The following CTNNA2 variants were observed in gnomAD, a reference collection of about 807,000 sequenced individuals.
The protein encoded by CTNNA2 is catenin alpha-2.
In CTNNA2, 42 loss-of-function variants were observed where a neutral mutation model predicts 101.0. That is an observed-to-expected ratio of 0.42 (90% confidence interval 0.32 to 0.54). CTNNA2 has a LOEUF of 0.54. CTNNA2 is among the 20% of genes least tolerant of loss of function. CTNNA2 has a pLI of 0.14. For synonymous variants in CTNNA2, 450 were observed against 456.4 expected, an observed-to-expected ratio of 0.99 and a Z score of 0.18; for missense variants, 871 against 1,223.1, an observed-to-expected ratio of 0.71 and a Z score of 4.29.
At chr2:80,292,656 T>C (rs1022807104) in intron 7 of CTNNA2, among the ~76,000 whole-genome samples, 2 of 152,220 alleles carry the variant, frequency 1.3e-5, no homozygotes, top group Non-Finnish European at 2.9e-5. Context: ...GTGAGTCTGA[T>C]AGGCCTATGC....
intron 2 of CTNNA2, among the ~76,000 whole-genome samples, chr2:79,657,421 A>G (rs917990990): frequency 6.6e-6 from 1 of 151,924 alleles, no homozygotes; most frequent in Non-Finnish European, 1.5e-5. Context: ...TATTCCATTT[A>G]AATACTAGAG....
chr2:79,673,927 T>C (rs1322340274), intron 2 of CTNNA2, among the ~76,000 whole-genome samples: 2 of 152,218 alleles, frequency 1.3e-5, no homozygotes, highest in Admixed American at 6.5e-5. Flanking sequence ...AGACACTAAT[T>C]ATTGAACTTC....
At chr2:80,512,532 T>C (rs1688787327) in intron 9 of CTNNA2, among the ~76,000 whole-genome samples, 2 of 152,162 alleles carry the variant, frequency 1.3e-5, no homozygotes, top group Non-Finnish European at 2.9e-5. Context: ...GTATAGAAGA[T>C]GAAAGAAGAG....
chr2:79,954,440 C>T (rs1689087529), intron 7 of CTNNA2, among the ~76,000 whole-genome samples: 1 of 152,160 alleles, frequency 6.6e-6, no homozygotes, highest in Admixed American at 6.5e-5. Context: ...TGTTTCACTC[C>T]TTGTCTCTTT....
intron 4 of CTNNA2, among the ~76,000 whole-genome samples, chr2:79,431,111 T>G (rs926355497): frequency 1.3e-5 from 2 of 152,222 alleles, no homozygotes; most frequent in African/African-American, 4.8e-5. Context: ...GAGAGTGGAC[T>G]GAGCCTCTTT....
chr2:79,606,593 A>ATGT (rs1677910519), intron 1 of CTNNA2, among the ~76,000 whole-genome samples: 9 of 152,174 alleles, frequency 5.9e-5, no homozygotes, highest in Non-Finnish European at 1.5e-5. Context: ...AACAAAAATA[A>ATGT]TAACATCATG....
chr2:79,684,117 A>C (rs929284041), intron 2 of CTNNA2, among the ~76,000 whole-genome samples: 1 of 152,222 alleles, frequency 6.6e-6, no homozygotes, highest in Admixed American at 6.5e-5. Context: ...TGAACAATTA[A>C]GAGCACACTT....
chr2:79,587,966 T>C (rs1369207507), intron 1 of CTNNA2, among the ~76,000 whole-genome samples: 1 of 152,210 alleles, frequency 6.6e-6, no homozygotes, highest in Non-Finnish European at 1.5e-5. Context: ...TATCTTGTGA[T>C]TCCTAGATTC....
At chr2:80,452,183 T>C (rs1683574831) in intron 9 of CTNNA2, among the ~76,000 whole-genome samples, 1 of 147,004 alleles carries the variant, frequency 6.8e-6, no homozygotes, top group Admixed American at 6.6e-5. Flanking sequence ...CCTGTGGTCA[T>C]GAACCTAGTA....
chr2:79,560,742 A>C (rs1046184543), intron 1 of CTNNA2, among the ~76,000 whole-genome samples: 1 of 151,960 alleles, frequency 6.6e-6, no homozygotes, highest in Non-Finnish European at 1.5e-5. Flanking sequence ...CTAAAGAGCT[A>C]CAGAAGCTGA....
At chr2:80,590,313 T>C (rs148372582) in intron 15 of CTNNA2, among the ~76,000 whole-genome samples, 36 of 152,300 alleles carry the variant, frequency 2.4e-4, no homozygotes, top group African/African-American at 8.7e-4. Flanking sequence ...TACTCTCTAT[T>C]TGCGAAATGG....
chr2:79,651,379 G>A (rs997313688), intron 1 of CTNNA2, among the ~76,000 whole-genome samples, 173 bp from the exon 2 acceptor site: 1 of 152,094 alleles, frequency 6.6e-6, no homozygotes, highest in Admixed American at 6.5e-5. Context: ...TTCCAACATT[G>A]CCACCTCACA....
At chr2:80,533,838 A>C (rs1690753098) in intron 9 of CTNNA2, among the ~76,000 whole-genome samples, 1 of 152,218 alleles carries the variant, frequency 6.6e-6, no homozygotes, top group South Asian at 2.1e-4. Context: ...TTAAAAGGGC[A>C]TTACATTCCC....
chr2:80,123,441 G>T (rs1701952190), intron 7 of CTNNA2, among the ~76,000 whole-genome samples: 1 of 147,988 alleles, frequency 6.8e-6, no homozygotes, highest in East Asian at 2.0e-4. Flanking sequence ...AATTGTTAGT[G>T]GTGCAGAAAA....
rs574196832 is a variant in CTNNA2, at chr2:79,938,663, A to G, written c.1056+28866A>G. On this transcript the variant is annotated intron_variant, in intron 7 of 18. Coordinates refer to ENST00000402739, the MANE Select transcript of CTNNA2 (RefSeq NM_001282597.3). Reference sequence around the variant, plus strand: ...ACAAAGCATTTGTTCTTCAAATGAGATGGAGGTGGCTCCAAAGAGATAGCC... The same window carrying G: ...ACAAAGCATTTGTTCTTCAAATGAGGTGGAGGTGGCTCCAAAGAGATAGCC... Among the ~76,000 whole-genome samples, 9 of 152,334 alleles carry G rather than the reference A, an allele frequency of 5.9e-5. No homozygotes were observed. The South Asian group carries it at 1.9e-3, about 32-fold the overall frequency.
intron 7 of CTNNA2, among the ~76,000 whole-genome samples, chr2:80,294,659 A>T (rs1057306352): frequency 2.6e-5 from 4 of 152,004 alleles, no homozygotes; most frequent in Middle Eastern, 3.4e-3. Context: ...ATAATAATAA[A>T]AATAATTCTC....
chr2:80,231,212 C>A (rs1032926610), intron 7 of CTNNA2, among the ~76,000 whole-genome samples: 2 of 151,986 alleles, frequency 1.3e-5, no homozygotes, highest in Non-Finnish European at 2.9e-5. Flanking sequence ...AGTCTGAAGT[C>A]CTGACCTCAG....
intron 4 of CTNNA2, among the ~76,000 whole-genome samples, chr2:79,443,145 CA>C (rs1193179889): frequency 2.0e-5 from 3 of 152,008 alleles, no homozygotes; most frequent in South Asian, 2.1e-4. Context: ...AAGATAAAAA[CA>C]AAGAGATATA....
At chr2:80,387,101 A>C (rs529741024) in intron 7 of CTNNA2, among the ~76,000 whole-genome samples, 2 of 152,174 alleles carry the variant, frequency 1.3e-5, no homozygotes, top group African/African-American at 4.8e-5. Flanking sequence ...ATCTTGGCTA[A>C]CATGGTGAAA....
Sources: gnomAD v4.1 joint callset for allele counts (sites outside exome capture counted in the v4.1 genomes callset) on GRCh38, gnomAD v4.1.1 for gene constraint, MANE v1.5 for transcripts, NCBI Gene and HGNC (gene_info 2026-07-23, HGNC 2026-07-21) for gene names.